The following COL4A6 variants were observed in gnomAD, a reference collection of about 807,000 sequenced individuals.
COL4A6 encodes the protein collagen alpha-6(IV) chain.
In COL4A6, 59 loss-of-function variants were observed where a neutral mutation model predicts 126.7. That is an observed-to-expected ratio of 0.47 (90% CI 0.38 to 0.58). The LOEUF (loss-of-function observed/expected upper bound fraction) is 0.58. Among genes scored for constraint, COL4A6 ranks in the 20% least tolerant of loss-of-function variants. The probability of loss-of-function intolerance (pLI) is 0.00; values close to 1 mark genes in which losing one functional copy is unlikely to be tolerated. For synonymous variants in COL4A6, 547 were observed against 496.6 expected (o/e 1.10, Z -1.35); for missense variants, 1,285 against 1,337.3 (o/e 0.96, Z 0.61).
intron 32 of COL4A6, 103 bp downstream of exon 32, chrX:108,172,365 GA>G (rs397935341): frequency 0.061 from 6,479 of 105,407 alleles, 24 homozygotes; most frequent in African/African-American, 0.13. Flanking sequence ...GCCTAAAAAA[GA>G]AAAAAAAAAA....
intron 3 of COL4A6, among the ~76,000 whole-genome samples, chrX:108,298,015 A>C (rs1210843627): frequency 1.8e-5 from 2 of 111,003 alleles, no homozygotes; most frequent in African/African-American, 6.6e-5. Flanking sequence ...TCAAGGAAAG[A>C]CTTTTCAAAA....
At position 108,300,366 on chromosome X, in the gene COL4A6, CTGTG is replaced by C. The variant is rs3039370; in HGVS notation, c.144+10378_144+10381del. ...AGTTTGGGTCTCTCTCTCTCTCTCT[CTGTG>C]TGTGTGTGTGTGTGTGTGTGTGTGT... is the stretch of plus-strand genomic sequence containing the variant. On this transcript the variant is annotated intron_variant, in intron 3 of 44. Transcript: ENST00000334504. Among the ~76,000 whole-genome samples, 130 of 98,065 alleles carry C rather than the reference CTGTG, an allele frequency of 1.3e-3. 1 individual carries two copies. The highest frequency in any genetic ancestry group is 5.6e-3 in the East Asian group (16 of 2,847). The allele number at this position is 98,065 out of a possible 115,157, so 85.2% of individuals were successfully genotyped here. A position where few individuals can be genotyped will look rare whatever the true frequency, so the allele number is the denominator to read the frequency against.
At chrX:108,404,214 T>C (rs2041157429) in intron 2 of COL4A6, among the ~76,000 whole-genome samples, 3 of 112,240 alleles carry the variant, frequency 2.7e-5, no homozygotes, top group Non-Finnish European at 5.6e-5. Context: ...CTAAGACATA[T>C]TATTTTAGTA....
intron 2 of COL4A6, among the ~76,000 whole-genome samples, chrX:108,314,962 C>T (rs2038847660): frequency 8.9e-6 from 1 of 111,955 alleles, no homozygotes; most frequent in African/African-American, 3.2e-5. Flanking sequence ...TCTGGTCTCT[C>T]TCTGGAGCTC....
rs749686085 is a variant in COL4A6 at position 108,400,299 on chromosome X, G to T, written c.63+37643C>A. 1.8e-4 allele frequency among the ~76,000 whole-genome samples: 20 copies of T among 110,837 alleles called. No homozygotes were observed. The East Asian group carries it at 5.4e-3, about 30-fold the overall frequency. ...TCTTTCAGAGTCTCTTAAAATAAGA[G>T]ACTTCTTTACTACAATGTTAAAAAC... On this transcript the variant is annotated intron_variant, in intron 2 of 44. Coordinates refer to ENST00000334504, the MANE Select transcript of COL4A6 (RefSeq NM_033641.4).
At chrX:108,195,007 C>T in intron 15 of COL4A6, 75 bp downstream of exon 15, 3 of 810,929 alleles carry the variant, frequency 3.7e-6, no homozygotes, top group Admixed American at 5.4e-5. Context: ...TCCCTTTGGC[C>T]ATGTTAGGTA....
chrX:108,439,246 AT>A, upstream of COL4A6: 1 of 307,610 alleles, frequency 3.3e-6, no homozygotes, highest in Non-Finnish European at 5.7e-6. Context: ...ATATAGCTGT[AT>A]TATAATAACA....
intron 3 of COL4A6, among the ~76,000 whole-genome samples, chrX:108,281,838 G>A (rs1051898925): frequency 2.7e-5 from 3 of 110,481 alleles, no homozygotes; most frequent in Non-Finnish European, 3.8e-5. Flanking sequence ...CAGAAATAAC[G>A]CCGCATGTCT....
chrX:108,358,056 A>G, intron 2 of COL4A6, among the ~76,000 whole-genome samples: 1 of 111,555 alleles, frequency 9.0e-6, no homozygotes, highest in Non-Finnish European at 1.9e-5. Context: ...CAGGCTTCCC[A>G]AGAAGTCTTG....
intron 3 of COL4A6, among the ~76,000 whole-genome samples, chrX:108,298,164 G>T (rs371662933): frequency 5.3e-4 from 59 of 111,681 alleles, no homozygotes; most frequent in African/African-American, 1.8e-3. Flanking sequence ...TCTTCATGAG[G>T]TAAATACTTT....
chrX:108,179,454 C>T lies in COL4A6; in HGVS notation c.2132-16G>A, dbSNP rs369628906. 27 of 1,165,988 alleles carry T rather than the reference C, an allele frequency of 2.3e-5. No homozygotes were observed. Among genetic ancestry groups the T allele is most frequent in the African/African-American group, 1.8e-4 (10 of 56,051 alleles). On this transcript the variant is annotated splice_polypyrimidine_tract_variant and intron_variant, in intron 25 of 44. Transcript: ENST00000334504. ...CCAGGAAATCCTAAACGTAAAAAGGCGAACATAAAAGACCATGGCTGTTTA... is the reference window on the plus strand; with the variant it reads ...CCAGGAAATCCTAAACGTAAAAAGGTGAACATAAAAGACCATGGCTGTTTA...
intron 2 of COL4A6, among the ~76,000 whole-genome samples, chrX:108,336,944 C>T (rs141859183): frequency 9.0e-6 from 1 of 110,961 alleles, no homozygotes; most frequent in Non-Finnish European, 1.9e-5. Flanking sequence ...GGAGTCTCCT[C>T]TCCCTTTCCC....
At chrX:108,245,513 T>C (rs1293269975) in intron 3 of COL4A6, among the ~76,000 whole-genome samples, 1 of 111,978 alleles carries the variant, frequency 8.9e-6, no homozygotes. Flanking sequence ...AGCTCGAGAT[T>C]GCTAAGCCTG....
intron 5 of COL4A6, among the ~76,000 whole-genome samples, chrX:108,217,921 G>A (rs1294458486): frequency 1.8e-5 from 2 of 111,855 alleles, no homozygotes; most frequent in African/African-American, 6.5e-5. Context: ...TACCCCACAG[G>A]GAGTGGGGAC....
chrX:108,161,803 G>A, intron 41 of COL4A6, 68 bp from the exon 42 acceptor site: 1 of 707,313 alleles, frequency 1.4e-6, no homozygotes. Flanking sequence ...CCCCAGGAAA[G>A]GGGACTTATG....
chrX:108,405,857 C>T (rs748990195), intron 2 of COL4A6, among the ~76,000 whole-genome samples: 3 of 112,024 alleles, frequency 2.7e-5, no homozygotes, highest in East Asian at 5.6e-4. Context: ...CCATCTTCCA[C>T]TGTCATTGAT....
At chrX:108,228,644 G>A (rs922051610) in intron 3 of COL4A6, among the ~76,000 whole-genome samples, 1 of 112,247 alleles carries the variant, frequency 8.9e-6, no homozygotes, top group Non-Finnish European at 1.9e-5. Context: ...CCTTCACATG[G>A]TGGCAGCAAA....
intron 13 of COL4A6, among the ~76,000 whole-genome samples, chrX:108,200,799 T>C (rs1211436966): frequency 8.9e-6 from 1 of 112,320 alleles, no homozygotes; most frequent in African/African-American, 3.2e-5. Context: ...TTTGTGGTCA[T>C]GGATATCCTA....
intron 37 of COL4A6, among the ~76,000 whole-genome samples, chrX:108,167,331 G>GT (rs1336690173): frequency 3.6e-5 from 4 of 111,515 alleles, no homozygotes; most frequent in Non-Finnish European, 5.7e-5. Context: ...GCTCTATGAA[G>GT]TTTTTTTATT....
Sources: allele counts gnomAD v4.1 joint callset (sites outside exome capture counted in the v4.1 genomes callset), GRCh38; gene constraint gnomAD v4.1.1; transcripts MANE v1.5; gene names NCBI Gene and HGNC (gene_info 2026-07-23, HGNC 2026-07-21).